Variants in ACACB observed in about 807,000 individuals in gnomAD.
The protein encoded by ACACB is acetyl-CoA carboxylase 2.
In ACACB, 209 loss-of-function variants were observed where a neutral mutation model predicts 278.8. That is an observed-to-expected ratio of 0.75 (90% CI 0.67 to 0.84). The LOEUF is 0.84. Ranked by LOEUF, ACACB falls within the 40% of genes least tolerant of loss-of-function variation. ACACB has a pLI of 0.00. For missense variants in ACACB, 2,850 were observed against 3,269.0 expected (o/e 0.87, Z 3.13); for synonymous variants, 1,174 against 1,285.6 (o/e 0.91, Z 1.86).
intron 4 of ACACB, among the ~76,000 whole-genome samples, chr12:109,171,051 T>C (rs908909501): frequency 6.8e-6 from 1 of 146,502 alleles, no homozygotes; most frequent in Non-Finnish European, 1.5e-5. Flanking sequence ...ACAAAGTCTC[T>C]GTGTGTTGCC....
rs550846549 is a variant in ACACB at position 109,165,495 on chromosome 12, A to G, written c.654-1366A>G. Reference sequence around the variant, plus strand: ...TGAGCCACTGCATGTGGCCTGATCAATTATCTTATGTGTACTGGGAATCTA... The same window carrying G: ...TGAGCCACTGCATGTGGCCTGATCAGTTATCTTATGTGTACTGGGAATCTA... On this transcript the variant is annotated intron_variant, in intron 2 of 52. Coordinates refer to ENST00000338432, the MANE Select transcript of ACACB (RefSeq NM_001093.4). Among the ~76,000 whole-genome samples the G allele has an allele frequency of 2.0e-5, 3 of 152,200 alleles. No homozygotes were observed. In the South Asian group the frequency reaches 6.2e-4, roughly 32 times the overall value.
At chr12:109,224,945 T>A (rs1474692681) in intron 27 of ACACB, among the ~76,000 whole-genome samples, 4 of 152,232 alleles carry the variant, frequency 2.6e-5, no homozygotes, top group Admixed American at 2.6e-4. Flanking sequence ...CTTTCTCTTC[T>A]GCATCCTTGG....
In ACACB at chr12:109,223,905, G is replaced by A; in HGVS notation, c.3882+1G>A. 7 of 1,613,514 alleles carry A rather than the reference G, an allele frequency of 4.3e-6. No homozygotes were observed. The highest frequency in any genetic ancestry group is 2.2e-5 in the South Asian group (2 of 91,076). On this transcript the variant is annotated splice_donor_variant, in intron 27 of 52. Coordinates refer to ENST00000338432, the MANE Select transcript of ACACB (RefSeq NM_001093.4). LOFTEE classifies it high-confidence loss of function. ...AGTCGTGTGCATGGCGTCCTTGGAG[G>A]TAAGCAGGAGAGGCCCAGAGAACAG...
chr12:109,217,604 G>A (rs1189707744), intron 24 of ACACB, among the ~76,000 whole-genome samples: 3 of 152,112 alleles, frequency 2.0e-5, no homozygotes, highest in Non-Finnish European at 4.4e-5. Flanking sequence ...TTTGAGACGA[G>A]CCTGGGCAAC....
Position 109,177,721 on chromosome 12 carries a change from A to G in ACACB, c.1438-1367A>G, listed in dbSNP as rs181459443. Among the ~76,000 whole-genome samples the G allele has an allele frequency of 2.0e-5, 3 of 152,012 alleles. No homozygotes were observed. In the East Asian group the frequency reaches 5.8e-4, roughly 29 times the overall value. On this transcript the variant is annotated intron_variant, in intron 9 of 52. Coordinates refer to ENST00000338432, the MANE Select transcript of ACACB (RefSeq NM_001093.4). ...ACATGGGCACTTTTCTGTTTGGTAA[A>G]CTCCAGACTAGATTGAATTTCATCT...
In ACACB at chr12:109,140,317, TC is replaced by T. The variant is rs1423044915; in HGVS notation, c.653+261del. Among the ~76,000 whole-genome samples, 305 of 145,462 alleles carry T rather than the reference TC, an allele frequency of 2.1e-3. 10 individuals are homozygous for T. Among genetic ancestry groups the T allele is most frequent in the Admixed American group, 3.9e-3 (55 of 14,202 alleles). On this transcript the variant is annotated intron_variant, in intron 2 of 52. Transcript: ENST00000338432. ...TTCCTTCCTTCCTTCCTTCCTTCCT[TC>T]CTTCCTTCCTTCCTTCCTTCCTTCC... is the stretch of plus-strand genomic sequence containing the variant.
rs761608576 is a variant in ACACB at position 109,191,660 on chromosome 12, G to A, written c.2192G>A (p.Arg731Lys). 1 of 1,614,058 alleles carries A rather than the reference G, an allele frequency of 6.2e-7. No individual in the cohort carries two copies. The highest frequency in any genetic ancestry group is 2.2e-5 in the East Asian group (1 of 44,892). ...LKELSIRGDF[R>K]TTVEYLINLL... ...GAACTGTCCATCCGAGGCGACTTTA[G>A]GACTACCGTGGAATACCTCATTAAC... The change falls in exon 14 of 53, where the codon AGG becomes AAG. Residue 731 changes from arginine (R) to lysine (K), a missense_variant. By Grantham distance (26) the Arg-to-Lys change is conservative. This residue lies in a region of ACACB where 2,265 missense variants were observed against 2,561.3 expected (regional missense o/e 0.88). Transcript: ENST00000338432.
intron 17 of ACACB, among the ~76,000 whole-genome samples, chr12:109,197,813 TAG>T (rs945699577): frequency 3.3e-4 from 50 of 152,296 alleles, no homozygotes; most frequent in African/African-American, 1.1e-3. Flanking sequence ...AAGCTCCAGT[TAG>T]AGAGTGGAGA....
chr12:109,204,834 T>A (rs1392330527), intron 19 of ACACB, among the ~76,000 whole-genome samples: 1 of 152,138 alleles, frequency 6.6e-6, no homozygotes, highest in Non-Finnish European at 1.5e-5. Flanking sequence ...TTGTTACAAT[T>A]CTTTTCATTA....
chr12:109,222,880 T>A lies in ACACB; in HGVS notation c.3760T>A (p.Tyr1254Asn), dbSNP rs1434483100. Residue 1254 changes from tyrosine (Y) to asparagine (N), a missense_variant, in exon 26 of 53, where the codon TAC becomes AAC. Transcript: ENST00000338432. Reference sequence around the variant, plus strand: ...CATTTTCCTGTCTGCCATTGACATGTACGGCCACCAGTTCTGCCCCGAGAA... The same window carrying A: ...CATTTTCCTGTCTGCCATTGACATGAACGGCCACCAGTTCTGCCCCGAGAA... Reference protein sequence around the residue: ...ESIFLSAIDMYGHQFCPENLK... With the variant: ...ESIFLSAIDMNGHQFCPENLK... 3.7e-6 allele frequency: 6 copies of A among 1,613,426 alleles called. No homozygotes were observed. Among genetic ancestry groups the A allele is most frequent in the African/African-American group, 2.7e-5 (2 of 74,916 alleles).
At chr12:109,259,206 T>A in intron 47 of ACACB, 98 bp downstream of exon 47, 1 of 1,421,898 alleles carries the variant, frequency 7.0e-7, no homozygotes, top group South Asian at 1.3e-5. Flanking sequence ...TCTGTGCCCA[T>A]CATCATCTTA....
intron 1 of ACACB, among the ~76,000 whole-genome samples, chr12:109,132,938 C>G (rs2042866422): frequency 6.6e-6 from 1 of 152,270 alleles, no homozygotes; most frequent in Admixed American, 6.5e-5. Flanking sequence ...GTACAACTTG[C>G]AGCTTTACCT....
intron 32 of ACACB, 116 bp downstream of exon 32, chr12:109,235,485 G>T: frequency 7.0e-7 from 1 of 1,425,356 alleles, no homozygotes; most frequent in Non-Finnish European, 9.9e-7. Context: ...AAAGGAGAAG[G>T]ATTTCCAAAT....
intron 28 of ACACB, among the ~76,000 whole-genome samples, chr12:109,228,318 A>T (rs1156771090): frequency 6.6e-6 from 1 of 151,768 alleles, no homozygotes; most frequent in Admixed American, 6.6e-5. Context: ...CCTGGGTGAC[A>T]GAGCAAGAGT....
chr12:109,225,413 A>G (rs1032406511), intron 27 of ACACB, among the ~76,000 whole-genome samples: 2 of 152,126 alleles, frequency 1.3e-5, no homozygotes, highest in Non-Finnish European at 2.9e-5. Flanking sequence ...TTGTATATTT[A>G]GTAGAGATGG....
chr12:109,225,188 T>G (rs1386849595), intron 27 of ACACB, among the ~76,000 whole-genome samples: 2 of 152,256 alleles, frequency 1.3e-5, no homozygotes, highest in Non-Finnish European at 2.9e-5. Flanking sequence ...GAGACAGGTC[T>G]TGCCGTGTTG....
chr12:109,201,739 A>C (rs1424013484), intron 19 of ACACB, 38 bp downstream of exon 19: 4 of 1,606,500 alleles, frequency 2.5e-6, no homozygotes, highest in Non-Finnish European at 3.4e-6. Context: ...TGGCTGGTGC[A>C]GGTGCACTCG....
At position 109,191,918 on chromosome 12, in the gene ACACB, G is replaced by A. The variant is rs372288919; in HGVS notation, c.2367G>A (p.Thr789=). The A allele has an allele frequency of 3.3e-5, 53 of 1,614,064 alleles. No individual in the cohort carries two copies. The highest frequency in any genetic ancestry group is 3.5e-5 in the Non-Finnish European group (41 of 1,180,048). Residue 789 remains threonine (T), a synonymous_variant, in exon 15 of 53, where the codon ACG becomes ACA. Transcript: ENST00000338432. Reference sequence around the variant, plus strand: ...ACGTGGCCGATGCGATGTTCAGAACGTGCATGACAGATTTCTTACACTCCC... The same window carrying A: ...ACGTGGCCGATGCGATGTTCAGAACATGCATGACAGATTTCTTACACTCCC... ...ALNVADAMFR[T]CMTDFLHSLE... is the part of the protein sequence containing the mutation.
In ACACB at chr12:109,222,858, T is replaced by G. The variant is rs1170161442; in HGVS notation, c.3738T>G (p.Ile1246Met). The change falls in exon 26 of 53, where the codon ATT (isoleucine) becomes ATG (methionine). Residue 1246 changes from isoleucine to methionine, a missense_variant. Coordinates refer to ENST00000338432, the MANE Select transcript of ACACB (RefSeq NM_001093.4). Reference sequence around the variant, plus strand: ...TGCGGCATAACCAGGTGGAGTCCATTTTCCTGTCTGCCATTGACATGTACG... The same window carrying G: ...TGCGGCATAACCAGGTGGAGTCCATGTTCCTGTCTGCCATTGACATGTACG... ...YELRHNQVESIFLSAIDMYGH... is the reference protein window; with the variant it reads ...YELRHNQVESMFLSAIDMYGH... 3.7e-6 allele frequency: 6 copies of G among 1,613,734 alleles called. No homozygotes were observed. In the Admixed American group the frequency reaches 5.0e-5, roughly 13 times the overall value.
Sources: gnomAD v4.1 joint callset for allele counts (sites outside exome capture counted in the v4.1 genomes callset) on GRCh38, gnomAD v4.1.1 for gene constraint, gnomAD v4.1.1 regional missense constraint, MANE v1.5 for transcripts, NCBI Gene and HGNC (gene_info 2026-07-23, HGNC 2026-07-21) for gene names.